Variants in RANBP2 observed in about 807,000 individuals in gnomAD.
RANBP2 encodes E3 SUMO-protein ligase RanBP2.
RANBP2 carries 57 observed loss-of-function variants against 303.6 expected under a neutral mutation model. The observed-to-expected ratio is 0.19, with a 90% CI of 0.15 to 0.23. The LOEUF is 0.23. Ranked by LOEUF, RANBP2 falls within the 10% of genes least tolerant of loss-of-function variation. The pLI, the probability that RANBP2 is intolerant of heterozygous loss-of-function variation, is 1.00. For missense variants in RANBP2, 3,138 were observed against 3,780.8 expected, an observed-to-expected ratio of 0.83 and a Z score of 4.46; for synonymous variants, 1,167 against 1,301.5, an observed-to-expected ratio of 0.90 and a Z score of 2.23.
the RANBP2 span, among the ~76,000 whole-genome samples, chr2:109,698,151 C>G: frequency 6.6e-6 from 1 of 152,070 alleles, no homozygotes; most frequent in Non-Finnish European, 1.5e-5. Flanking sequence ...AGCCACTGCA[C>G]CCAGCCTGTG....
At chr2:109,372,173 G>A in the RANBP2 span, among the ~76,000 whole-genome samples, 1 of 152,238 alleles carries the variant, frequency 6.6e-6, no homozygotes, top group Non-Finnish European at 1.5e-5. Context: ...TGCCTGAGAG[G>A]CACCACAGCA....
the RANBP2 span, chr2:108,908,057 G>T: frequency 2.5e-6 from 4 of 1,575,390 alleles, no homozygotes; most frequent in Non-Finnish European, 3.5e-6. Flanking sequence ...GCAGTGCCTG[G>T]GGGGGCTGCA....
chr2:109,296,492 T>G, the RANBP2 span, among the ~76,000 whole-genome samples: 1 of 152,108 alleles, frequency 6.6e-6, no homozygotes, highest in African/African-American at 2.4e-5. Context: ...TCCACCCGCT[T>G]CAGCCTCCCA....
chr2:108,999,816 T>C, the RANBP2 span, among the ~76,000 whole-genome samples: 2 of 152,090 alleles, frequency 1.3e-5, no homozygotes, highest in Non-Finnish European at 2.9e-5. Flanking sequence ...TGGGGAGAAA[T>C]GAAGTAAGAC....
chr2:109,154,642 A>G, the RANBP2 span, among the ~76,000 whole-genome samples: 2 of 152,112 alleles, frequency 1.3e-5, no homozygotes, highest in African/African-American at 4.8e-5. Flanking sequence ...CTGGCCTCCA[A>G]ATGAATACTT....
chr2:109,525,057 G>T, the RANBP2 span, among the ~76,000 whole-genome samples: 1 of 151,514 alleles, frequency 6.6e-6, no homozygotes, highest in Admixed American at 6.6e-5. Flanking sequence ...TCCCATGGTG[G>T]GCATTTAGGC....
the RANBP2 span, among the ~76,000 whole-genome samples, chr2:109,522,753 C>T: frequency 3.9e-5 from 6 of 152,320 alleles, no homozygotes; most frequent in African/African-American, 1.4e-4. Context: ...TTCCCAGTGA[C>T]ACTAATATGC....
chr2:108,723,948 C>T (rs1175438368), intron 1 of RANBP2, among the ~76,000 whole-genome samples: 1 of 152,234 alleles, frequency 6.6e-6, no homozygotes, highest in African/African-American at 2.4e-5. Context: ...CCCTTACTAA[C>T]TGACTTCTCC....
chr2:108,937,654 GTA>G, the RANBP2 span, among the ~76,000 whole-genome samples: 1 of 151,898 alleles, frequency 6.6e-6, no homozygotes, highest in East Asian at 1.9e-4. Flanking sequence ...GTGTATATGT[GTA>G]TGTTTATATG....
At chr2:108,961,144 G>A in the RANBP2 span, among the ~76,000 whole-genome samples, 11 of 152,312 alleles carry the variant, frequency 7.2e-5, no homozygotes, top group Non-Finnish European at 1.0e-4. Context: ...AGTGGCCCCC[G>A]CTGCAGAGCC....
At chr2:109,632,818 C>CAA in the RANBP2 span, among the ~76,000 whole-genome samples, 87 of 143,090 alleles carry the variant, frequency 6.1e-4, no homozygotes, top group South Asian at 3.8e-3. Flanking sequence ...GACTCTGTCT[C>CAA]AAAAAAAAAA....
chr2:108,780,861 C>T (rs796091112), intron 25 of RANBP2, among the ~76,000 whole-genome samples: 20 of 152,134 alleles, frequency 1.3e-4, no homozygotes, highest in Admixed American at 3.3e-4. Flanking sequence ...AGGCATATGC[C>T]ACCATGCCTG....
At chr2:109,305,922 C>T in the RANBP2 span, among the ~76,000 whole-genome samples, 1 of 150,136 alleles carries the variant, frequency 6.7e-6, no homozygotes, top group Non-Finnish European at 1.5e-5. Flanking sequence ...TTGGGCTGCT[C>T]CTCCAGCTGC....
At chr2:108,854,710 TG>T in the RANBP2 span, among the ~76,000 whole-genome samples, 1 of 152,194 alleles carries the variant, frequency 6.6e-6, no homozygotes, top group African/African-American at 2.4e-5. Flanking sequence ...TGGGCTCGGC[TG>T]GGCTTGGTTC....
the RANBP2 span, among the ~76,000 whole-genome samples, chr2:109,731,290 G>A: frequency 6.6e-6 from 1 of 152,186 alleles, no homozygotes; most frequent in Non-Finnish European, 1.5e-5. Context: ...TGGTCCAATA[G>A]TAGGAGAATT....
chr2:109,569,380 G>A, the RANBP2 span, among the ~76,000 whole-genome samples: 3 of 150,080 alleles, frequency 2.0e-5, no homozygotes, highest in African/African-American at 7.4e-5. Flanking sequence ...GCAGTGAGCC[G>A]AGATCGCGTC....
the RANBP2 span, among the ~76,000 whole-genome samples, chr2:109,042,730 T>C: frequency 6.6e-6 from 1 of 152,220 alleles, no homozygotes; most frequent in African/African-American, 2.4e-5. Flanking sequence ...TTGGTTCTAA[T>C]CATCTAGTCC....
At chr2:108,975,034 C>T in the RANBP2 span, among the ~76,000 whole-genome samples, 14 of 152,186 alleles carry the variant, frequency 9.2e-5, no homozygotes, top group Non-Finnish European at 1.5e-4. Context: ...TTCTACCTGG[C>T]CTGGGAAACC....
At chr2:109,517,169 G>T in the RANBP2 span, among the ~76,000 whole-genome samples, 281 of 151,444 alleles carry the variant, frequency 1.9e-3, 1 homozygote, top group South Asian at 7.5e-3. Context: ...CCCGGAATGT[G>T]CAAAGGGTAT....
Sources: allele counts gnomAD v4.1 joint callset (sites outside exome capture counted in the v4.1 genomes callset), GRCh38; gene constraint gnomAD v4.1.1; transcripts MANE v1.5; gene names NCBI Gene and HGNC (gene_info 2026-07-23, HGNC 2026-07-21).